Variants in PARN observed in about 807,000 individuals in gnomAD.
PARN encodes the protein poly(A)-specific ribonuclease PARN.
A neutral mutation model predicts 102.8 loss-of-function variants in PARN; 71 were observed. The observed-to-expected ratio is 0.69, with a 90% CI of 0.57 to 0.84. The LOEUF (loss-of-function observed/expected upper bound fraction) is 0.84. Ranked by LOEUF, PARN falls within the 40% of genes least tolerant of loss-of-function variation. The pLI is 0.00. For missense variants in PARN, 782 were observed against 760.9 expected (o/e 1.03, Z -0.33); for synonymous variants, 261 against 252.9 (o/e 1.03, Z -0.30).
chr16:14,586,786 A>G (rs886988876), intron 13 of PARN, among the ~76,000 whole-genome samples: 46 of 152,208 alleles, frequency 3.0e-4, no homozygotes, highest in African/African-American at 1.1e-3. Flanking sequence ...AATGGTTTAC[A>G]CAGGAAATGG....
chr16:14,438,193 C>T (rs1001357850), intron 23 of PARN, among the ~76,000 whole-genome samples: 4 of 152,090 alleles, frequency 2.6e-5, no homozygotes, highest in African/African-American at 9.7e-5. Flanking sequence ...CTTCCCAGTC[C>T]CACAATGATA....
chr16:14,565,561 TAA>T (rs1028974481), intron 18 of PARN, among the ~76,000 whole-genome samples: 2 of 152,198 alleles, frequency 1.3e-5, no homozygotes, highest in African/African-American at 4.8e-5. Flanking sequence ...CAACATACTG[TAA>T]AGTGTCAGAG....
At chr16:14,515,762 C>G (rs897783724) in intron 21 of PARN, among the ~76,000 whole-genome samples, 1 of 151,962 alleles carries the variant, frequency 6.6e-6, no homozygotes, top group Non-Finnish European at 1.5e-5. Flanking sequence ...ACAGCAAGAC[C>G]CTGTGTCTTA....
At chr16:14,621,001 T>C (rs911549512) in intron 5 of PARN, among the ~76,000 whole-genome samples, 3 of 152,350 alleles carry the variant, frequency 2.0e-5, no homozygotes, top group Admixed American at 2.0e-4. Context: ...CAAATCGTTT[T>C]GAAATGGTGA....
chr16:14,522,447 G>C (rs1197903665), intron 21 of PARN, among the ~76,000 whole-genome samples: 1 of 152,232 alleles, frequency 6.6e-6, no homozygotes, highest in African/African-American at 2.4e-5. Context: ...GGTTGACGCA[G>C]GAGAATGGCT....
chr16:14,508,041 C>T (rs894201788), intron 21 of PARN, among the ~76,000 whole-genome samples: 1 of 152,126 alleles, frequency 6.6e-6, no homozygotes, highest in Admixed American at 6.5e-5. Context: ...AGAATGTTAT[C>T]ATAATTATTT....
chr16:14,571,179 T>C (rs1968786404), intron 18 of PARN, among the ~76,000 whole-genome samples: 2 of 150,826 alleles, frequency 1.3e-5, no homozygotes, highest in Admixed American at 6.6e-5. Context: ...AGGTCAGGAG[T>C]TCAAGACCAG....
At chr16:14,627,540 T>A (rs1972753010) in intron 3 of PARN, among the ~76,000 whole-genome samples, 2 of 152,220 alleles carry the variant, frequency 1.3e-5, no homozygotes, top group African/African-American at 4.8e-5. Flanking sequence ...GACCTATTTA[T>A]CCATCATCCA....
chr16:14,452,065 A>G (rs1961489022), intron 22 of PARN, among the ~76,000 whole-genome samples: 1 of 151,884 alleles, frequency 6.6e-6, no homozygotes, highest in Non-Finnish European at 1.5e-5. Context: ...CAACAACAAC[A>G]ATAACAACAA....
In PARN at chr16:14,452,543, G is replaced by A. The variant is rs1217424079; in HGVS notation, c.1671-5462C>T. ...GTAGAAACAGGGTTTCACCATGTTG[G>A]CCAGGCTGGTCTTGAAATCCTGACC... On this transcript the variant is annotated intron_variant, in intron 22 of 23. Transcript: ENST00000437198. Among the ~76,000 whole-genome samples the A allele has an allele frequency of 2.8e-4, 42 of 152,078 alleles. 1 individual carries two copies. The highest frequency in any genetic ancestry group is 2.7e-3 in the Admixed American group (42 of 15,274).
chr16:14,593,621 TG>T (rs1347560642), intron 12 of PARN, among the ~76,000 whole-genome samples: 1 of 151,840 alleles, frequency 6.6e-6, no homozygotes, highest in Non-Finnish European at 1.5e-5. Flanking sequence ...TTGATGTCAC[TG>T]ATCTTTTTCT....
At chr16:14,557,607 T>A (rs545118406) in intron 18 of PARN, among the ~76,000 whole-genome samples, 8 of 140,122 alleles carry the variant, frequency 5.7e-5, no homozygotes, top group South Asian at 2.3e-4. Context: ...AGTTTACAAA[T>A]GGAACCATCA....
chr16:14,517,738 G>A (rs567756747), intron 21 of PARN, among the ~76,000 whole-genome samples: 1 of 152,262 alleles, frequency 6.6e-6, no homozygotes, highest in Admixed American at 6.5e-5. Context: ...GAGTGCAGTG[G>A]CAAAATCTTG....
intron 2 of PARN, among the ~76,000 whole-genome samples, chr16:14,629,106 G>A (rs1283080715): frequency 1.3e-5 from 2 of 152,164 alleles, no homozygotes; most frequent in Non-Finnish European, 2.9e-5. Context: ...GACAAATGGC[G>A]GTTGCTAAAG....
At chr16:14,476,809 A>G (rs1243450570) in intron 22 of PARN, among the ~76,000 whole-genome samples, 1 of 152,262 alleles carries the variant, frequency 6.6e-6, no homozygotes, top group Non-Finnish European at 1.5e-5. Context: ...AATCTGGAAC[A>G]ACGACTTTAA....
chr16:14,617,705 A>T, intron 5 of PARN, 55 bp from the exon 6 acceptor site: 1 of 1,029,538 alleles, frequency 9.7e-7, no homozygotes, highest in Admixed American at 1.7e-5. Context: ...CAGGAATATA[A>T]AGAGATGCAG....
chr16:14,449,124 T>G (rs1961334150), intron 22 of PARN, among the ~76,000 whole-genome samples: 1 of 152,188 alleles, frequency 6.6e-6, no homozygotes, highest in Admixed American at 6.6e-5. Flanking sequence ...AGGAACCTGG[T>G]AGCCTCTGAG....
At chr16:14,629,562 C>A in intron 2 of PARN, 35 bp downstream of exon 2, 1 of 1,505,472 alleles carries the variant, frequency 6.6e-7, no homozygotes, top group Non-Finnish European at 9.3e-7. Context: ...CTATGCACTG[C>A]AAAGTGCTAG....
At chr16:14,461,766 C>T (rs529625695) in intron 22 of PARN, among the ~76,000 whole-genome samples, 3 of 152,334 alleles carry the variant, frequency 2.0e-5, no homozygotes, top group Admixed American at 2.0e-4. Context: ...CCTTATGACA[C>T]TTTCATCTTG....
Sources: allele counts gnomAD v4.1 joint callset (sites outside exome capture counted in the v4.1 genomes callset), GRCh38; gene constraint gnomAD v4.1.1; transcripts MANE v1.5; gene names NCBI Gene and HGNC (gene_info 2026-07-23, HGNC 2026-07-21).